The following NME7 variants were observed in gnomAD, a reference collection of about 807,000 sequenced individuals.
The protein encoded by NME7 is nucleoside diphosphate kinase 7.
Under a neutral mutation model 49.1 loss-of-function variants are expected in NME7, and 41 were observed. The ratio of observed to expected loss-of-function variants is 0.83; its 90% confidence interval spans 0.65 to 1.08. The LOEUF (loss-of-function observed/expected upper bound fraction) is 1.08. Ranked by LOEUF, NME7 falls within the 50% of genes least tolerant of loss-of-function variation. NME7 has a pLI of 0.00. For missense variants in NME7, 423 were observed against 463.4 expected, an observed-to-expected ratio of 0.91 and a Z score of 0.80; for synonymous variants, 139 against 150.6, an observed-to-expected ratio of 0.92 and a Z score of 0.56.
At chr1:169,302,806 C>T (rs1651000193) in intron 5 of NME7, among the ~76,000 whole-genome samples, 1 of 151,898 alleles carries the variant, frequency 6.6e-6, no homozygotes, top group South Asian at 2.1e-4. Context: ...AATTAAAAGC[C>T]CCACAAACAC....
chr1:169,349,001 C>A (rs965351650), intron 1 of NME7, among the ~76,000 whole-genome samples: 12 of 151,640 alleles, frequency 7.9e-5, no homozygotes, highest in East Asian at 1.9e-4. Flanking sequence ...CGCTTTCTAG[C>A]GTATAATCTT....
At chr1:169,361,133 CT>C (rs781281218) in intron 1 of NME7, among the ~76,000 whole-genome samples, 6 of 152,010 alleles carry the variant, frequency 3.9e-5, no homozygotes, top group Admixed American at 3.3e-4. Context: ...TCAATAAATA[CT>C]TTCTCGAATA....
At chr1:169,312,715 G>C (rs922631515) in intron 3 of NME7, among the ~76,000 whole-genome samples, 4 of 152,164 alleles carry the variant, frequency 2.6e-5, no homozygotes, top group Non-Finnish European at 5.9e-5. Flanking sequence ...AAAGATGACT[G>C]ATTGCAGTAC....
intron 7 of NME7, among the ~76,000 whole-genome samples, chr1:169,246,354 A>G (rs1468638005): frequency 6.6e-6 from 1 of 152,126 alleles, no homozygotes; most frequent in African/African-American, 2.4e-5. Context: ...ATTCCACAGA[A>G]TTGTTAAATT....
rs112982008 is a variant in NME7 at position 169,135,668 on chromosome 1, T to C, written c.1099-2851A>G. Among the ~76,000 whole-genome samples the C allele has an allele frequency of 7.7e-3, 1,176 of 152,272 alleles. 7 individuals carry two copies. The highest frequency in any genetic ancestry group is 0.019 in the Admixed American group (285 of 15,292). On this transcript the variant is annotated intron_variant, in intron 11 of 11. Coordinates refer to ENST00000367811, the MANE Select transcript of NME7 (RefSeq NM_013330.5). ...TACACTGAGAAAGATGATCAAGAAA[T>C]AGATAAGCCTGTTATTCTTCCAACC...
intron 7 of NME7, among the ~76,000 whole-genome samples, chr1:169,282,337 C>G (rs1201415747): frequency 6.6e-6 from 1 of 152,132 alleles, no homozygotes; most frequent in African/African-American, 2.4e-5. Context: ...ATTCTTCTCT[C>G]TTTTCTTCTT....
chr1:169,133,389 T>TCACA (rs1369201876), intron 11 of NME7, among the ~76,000 whole-genome samples: 1 of 152,206 alleles, frequency 6.6e-6, no homozygotes, highest in East Asian at 1.9e-4. Context: ...GCAGAGGAGC[T>TCACA]CACACACATC....
chr1:169,148,010 A>T (rs922388432), intron 11 of NME7, among the ~76,000 whole-genome samples: 1 of 150,324 alleles, frequency 6.7e-6, no homozygotes, highest in Non-Finnish European at 1.5e-5. Flanking sequence ...CTTTTATTTT[A>T]TTTTTTTTTT....
At chr1:169,253,606 A>G (rs188682182) in intron 7 of NME7, among the ~76,000 whole-genome samples, 235 of 152,302 alleles carry the variant, frequency 1.5e-3, no homozygotes, top group Non-Finnish European at 5.7e-4. Flanking sequence ...TATGTTGAAT[A>G]GGAGTGGTGA....
chr1:169,328,870 T>C (rs1652159450), intron 1 of NME7, among the ~76,000 whole-genome samples: 1 of 152,188 alleles, frequency 6.6e-6, no homozygotes, highest in Admixed American at 6.5e-5. Flanking sequence ...ATAGCTTAGA[T>C]CATAATACCC....
chr1:169,280,052 T>C (rs1438666474), intron 7 of NME7, among the ~76,000 whole-genome samples: 6 of 152,332 alleles, frequency 3.9e-5, no homozygotes, highest in Admixed American at 2.6e-4. Flanking sequence ...TTTTCCACAA[T>C]GGTTGAACTA....
chr1:169,203,862 G>A (rs965935908), intron 10 of NME7, among the ~76,000 whole-genome samples: 1 of 151,894 alleles, frequency 6.6e-6, no homozygotes, highest in Non-Finnish European at 1.5e-5. Context: ...GTTTATTTTC[G>A]TGTTTTGTTT....
intron 11 of NME7, among the ~76,000 whole-genome samples, chr1:169,138,370 T>C (rs758753558): frequency 1.3e-5 from 2 of 151,796 alleles, no homozygotes; most frequent in Admixed American, 6.6e-5. Flanking sequence ...AAAATGACTA[T>C]ACATTTTTCT....
chr1:169,249,135 T>C (rs192955143), intron 7 of NME7, among the ~76,000 whole-genome samples: 2 of 152,254 alleles, frequency 1.3e-5, no homozygotes, highest in Admixed American at 1.3e-4. Context: ...GTGTTTCCAT[T>C]TGTTTGTGTC....
At chr1:169,291,238 T>C (rs1019634757) in intron 6 of NME7, among the ~76,000 whole-genome samples, 1 of 152,166 alleles carries the variant, frequency 6.6e-6, no homozygotes, top group African/African-American at 2.4e-5. Flanking sequence ...CTATTCACAA[T>C]AGCAAAGACT....
rs1454505512 is a variant in NME7, at chr1:169,275,503, A to T, written c.754+11800T>A. 1.6e-5 allele frequency among the ~76,000 whole-genome samples: 2 copies of T among 123,972 alleles called. 1 individual carries two copies. The highest frequency in any genetic ancestry group is 3.7e-5 in the Non-Finnish European group (2 of 53,726). The allele number at this position is 123,972 out of a possible 152,430, so 81.3% of individuals were successfully genotyped here. ...CAAAAAAAAAAAAAAAAAAAAAAAAAAAGAATGCTTGTGATTTTTGTACAT... is the reference window on the plus strand; with the variant it reads ...CAAAAAAAAAAAAAAAAAAAAAAAATAAGAATGCTTGTGATTTTTGTACAT... On this transcript the variant is annotated intron_variant, in intron 7 of 11. Transcript: ENST00000367811.
chr1:169,367,707 C>T lies in NME7; in HGVS notation c.3+1G>A. The T allele has an allele frequency of 6.2e-7, 1 of 1,614,168 alleles. No homozygotes were observed. Among genetic ancestry groups the T allele is most frequent in the Middle Eastern group, 1.6e-4 (1 of 6,062 alleles). On this transcript the variant is annotated splice_donor_variant, in intron 1 of 11. Transcript: ENST00000367811. LOFTEE classifies it high-confidence loss of function. ...TTCTTCTGGCATCCCCTGGCACTCACCATTGTCTCAGGATCTCAGCACTAG... is the reference window on the plus strand; with the variant it reads ...TTCTTCTGGCATCCCCTGGCACTCATCATTGTCTCAGGATCTCAGCACTAG...
chr1:169,286,315 A>G (rs985677251), intron 7 of NME7: 4 of 152,076 alleles, frequency 2.6e-5, no homozygotes, highest in Admixed American at 2.6e-4. Flanking sequence ...CCAATTTTCT[A>G]CTATATACAT....
intron 10 of NME7, among the ~76,000 whole-genome samples, chr1:169,223,786 TAGAGAG>T (rs202096714): frequency 2.7e-5 from 4 of 150,098 alleles, no homozygotes; most frequent in East Asian, 1.9e-4. Flanking sequence ...TATATATATA[TAGAGAG>T]AGAGAGAGAG....
Sources: allele counts gnomAD v4.1 joint callset (sites outside exome capture counted in the v4.1 genomes callset), GRCh38; gene constraint gnomAD v4.1.1; transcripts MANE v1.5; gene names NCBI Gene and HGNC (gene_info 2026-07-23, HGNC 2026-07-21).